The following STARD13 variants were observed in gnomAD, a reference collection of about 807,000 sequenced individuals.
STARD13 encodes stAR-related lipid transfer protein 13.
STARD13 carries 62 observed loss-of-function variants against 106.4 expected under a neutral mutation model. The ratio of observed to expected loss-of-function variants is 0.58; its 90% CI spans 0.48 to 0.72. The LOEUF is 0.72. Ranked by LOEUF, STARD13 falls within the 30% of genes least tolerant of loss-of-function variation. The pLI is 0.00. For missense variants in STARD13, 1,387 were observed against 1,424.0 expected (o/e 0.97, Z 0.42); for synonymous variants, 565 against 553.0 (o/e 1.02, Z -0.31).
At chr13:33,629,817 C>G in the STARD13 span, among the ~76,000 whole-genome samples, 1 of 152,154 alleles carries the variant, frequency 6.6e-6, no homozygotes, top group African/African-American at 2.4e-5. Context: ...GTCTCATTGC[C>G]TCTTTCCCTG....
chr13:33,676,105 G>T, the STARD13 span, among the ~76,000 whole-genome samples: 10 of 152,080 alleles, frequency 6.6e-5, no homozygotes, highest in Admixed American at 6.6e-4. Flanking sequence ...TTAATTTGCC[G>T]CAATCACAGG....
the STARD13 span, among the ~76,000 whole-genome samples, chr13:33,589,519 G>A: frequency 0.012 from 1,843 of 152,088 alleles, 32 homozygotes; most frequent in African/African-American, 0.041. Flanking sequence ...CATTGGTTTC[G>A]AAGAACATCT....
intron 1 of STARD13, among the ~76,000 whole-genome samples, chr13:33,298,920 G>A (rs1040620637): frequency 2.6e-5 from 4 of 152,164 alleles, no homozygotes; most frequent in Non-Finnish European, 5.9e-5. Context: ...CCATAGAATA[G>A]CCTTACAATA....
intron 1 of STARD13, chr13:33,180,489 G>A (rs1885127820): frequency 6.6e-6 from 1 of 152,180 alleles, no homozygotes; most frequent in Non-Finnish European, 1.5e-5. Context: ...GCCTTCAGAA[G>A]ATTATTTTTC....
chr13:33,498,019 C>T, the STARD13 span, among the ~76,000 whole-genome samples: 2 of 152,160 alleles, frequency 1.3e-5, no homozygotes, highest in African/African-American at 4.8e-5. Context: ...ATAACATAAT[C>T]TAAGACATTA....
intron 1 of STARD13, among the ~76,000 whole-genome samples, chr13:33,192,281 T>G (rs1020710869): frequency 2.0e-5 from 3 of 152,258 alleles, no homozygotes; most frequent in Non-Finnish European, 2.9e-5. Context: ...ATCGACAACT[T>G]TCCTTCTCTT....
chr13:33,105,361 A>C lies in STARD13; in HGVS notation c.*232T>G. Reference sequence around the variant, plus strand: ...CATTTAATTTTAAGTAATATATATAAAGTTCTCATTTTAAAATTATATTAG... The same window carrying C: ...CATTTAATTTTAAGTAATATATATACAGTTCTCATTTTAAAATTATATTAG... On this transcript the variant is annotated 3_prime_UTR_variant, in exon 14 of 14. Transcript: ENST00000336934. 1 of 495,374 alleles carries C rather than the reference A, an allele frequency of 2.0e-6. No individual in the cohort carries two copies. Among genetic ancestry groups the C allele is most frequent in the East Asian group, 3.2e-5 (1 of 31,234 alleles). The allele number at this position is 495,374 out of a possible 1,614,324, so 30.7% of individuals were successfully genotyped here.
the STARD13 span, among the ~76,000 whole-genome samples, chr13:33,470,552 C>T: frequency 6.6e-6 from 1 of 152,160 alleles, no homozygotes; most frequent in Non-Finnish European, 1.5e-5. Flanking sequence ...AGTGTAAAAG[C>T]ATTCCTATTT....
the STARD13 span, among the ~76,000 whole-genome samples, chr13:33,550,168 TAATC>T: frequency 6.6e-6 from 1 of 152,218 alleles, no homozygotes; most frequent in Non-Finnish European, 1.5e-5. Context: ...TTGCAGTCGT[TAATC>T]ATTCAGTCTA....
the STARD13 span, among the ~76,000 whole-genome samples, chr13:33,506,838 T>C: frequency 6.6e-6 from 1 of 152,150 alleles, no homozygotes; most frequent in Non-Finnish European, 1.5e-5. Flanking sequence ...TGCCCAGGGA[T>C]TGGTGGCTCT....
At chr13:33,584,161 G>A in the STARD13 span, among the ~76,000 whole-genome samples, 1 of 152,110 alleles carries the variant, frequency 6.6e-6, no homozygotes, top group African/African-American at 2.4e-5. Context: ...CTTTTTGATA[G>A]TAGCCCTCTG....
At chr13:33,163,913 A>G (rs4989167) in intron 3 of STARD13, among the ~76,000 whole-genome samples, 34,432 of 151,704 alleles carry the variant, frequency 0.23, 6,477 homozygotes, top group African/African-American at 0.52. Context: ...AGTGCTGGCT[A>G]CATGGCTCTG....
the STARD13 span, among the ~76,000 whole-genome samples, chr13:33,367,985 C>G: frequency 0.16 from 24,881 of 152,062 alleles, 2,163 homozygotes; most frequent in Middle Eastern, 0.23. Context: ...GGCCCAGTAA[C>G]TATAAGAACT....
the STARD13 span, among the ~76,000 whole-genome samples, chr13:33,659,547 A>G: frequency 2.1e-4 from 32 of 152,252 alleles, no homozygotes; most frequent in South Asian, 5.4e-3. Flanking sequence ...TAGAAGTCGG[A>G]GCAGTTGTGG....
At chr13:33,381,258 A>G in the STARD13 span, among the ~76,000 whole-genome samples, 5 of 152,158 alleles carry the variant, frequency 3.3e-5, no homozygotes, top group African/African-American at 4.8e-5. Context: ...TCCAATCTTC[A>G]TTAAATTTAT....
chr13:33,255,688 A>C (rs1171179483), intron 1 of STARD13, among the ~76,000 whole-genome samples: 1 of 152,114 alleles, frequency 6.6e-6, no homozygotes, highest in Non-Finnish European at 1.5e-5. Flanking sequence ...CCAACAAACA[A>C]GGGTTGTGCA....
In STARD13 at chr13:33,129,834, T is replaced by C. The variant is rs750575399; in HGVS notation, c.843A>G (p.Thr281=). Residue 281 remains threonine (T), a synonymous_variant, in exon 5 of 14, where the codon ACA becomes ACG. Coordinates refer to ENST00000336934, the MANE Select transcript of STARD13 (RefSeq NM_178006.4). ...TGGGCCCACTGATCACCAGGCCACC[T>C]GTCCGCCCAGACCCCTTATGCCTCC... ...AHGRHKGSGR[T]GGLVISGPML... The C allele has an allele frequency of 5.0e-6, 8 of 1,613,088 alleles. No individual in the cohort carries two copies. Among genetic ancestry groups the C allele is most frequent in the Non-Finnish European group, 6.8e-6 (8 of 1,180,030 alleles).
At chr13:33,465,201 C>CTT in the STARD13 span, among the ~76,000 whole-genome samples, 466 of 60,594 alleles carry the variant, frequency 7.7e-3, 5 homozygotes, top group African/African-American at 9.5e-3. Context: ...TGGTCTTCTT[C>CTT]TTTTTTTTTT....
the STARD13 span, among the ~76,000 whole-genome samples, chr13:33,470,257 C>T: frequency 5.9e-5 from 9 of 152,192 alleles, no homozygotes; most frequent in East Asian, 1.9e-4. Flanking sequence ...CATAGTATTC[C>T]GCGGTGTATA....
Sources: gnomAD v4.1 joint callset for allele counts (sites outside exome capture counted in the v4.1 genomes callset) on GRCh38, gnomAD v4.1.1 for gene constraint, MANE v1.5 for transcripts, NCBI Gene and HGNC (gene_info 2026-07-23, HGNC 2026-07-21) for gene names.